NELL2: variants seen among roughly 807,000 people sequenced by gnomAD.
NELL2 encodes neural EGFL like 2.
A neutral mutation model predicts 109.6 loss-of-function variants in NELL2; 41 were observed. The ratio of observed to expected loss-of-function variants is 0.37; its 90% CI spans 0.29 to 0.49. The LOEUF (loss-of-function observed/expected upper bound fraction) is 0.49, where lower values mean the gene tolerates loss of function less well. Among genes scored for constraint, NELL2 ranks in the 20% least tolerant of loss-of-function variants. The pLI, the probability that NELL2 is intolerant of heterozygous loss-of-function variation, is 0.98. For synonymous variants in NELL2, 355 were observed against 344.7 expected, an observed-to-expected ratio of 1.03 and a Z score of -0.33; for missense variants, 900 against 1,008.3, an observed-to-expected ratio of 0.89 and a Z score of 1.45.
At chr12:44,520,662 A>G (rs73096328) in intron 18 of NELL2, among the ~76,000 whole-genome samples, 6,066 of 152,276 alleles carry the variant, frequency 0.04, 152 homozygotes, top group Admixed American at 0.06. Flanking sequence ...TTTACAAGAA[A>G]ATAAACTAAA....
rs996687993 is a variant in NELL2 at position 44,876,113 on chromosome 12, CGGCCCGGAGGG to C, written c.-255_-245del. 1.7e-4 allele frequency: 228 copies of C among 1,320,872 alleles called. 2 individuals are homozygous for C. Among genetic ancestry groups the C allele is most frequent in the African/African-American group, 4.9e-4 (33 of 67,446 alleles). The allele number at this position is 1,320,872 out of a possible 1,614,324, so 81.8% of individuals were successfully genotyped here. A position where few individuals can be genotyped will look rare whatever the true frequency, so the allele number is the denominator to read the frequency against. ...CACACGCAGGGCCGAGGCGGCAGCG[CGGCCCGGAGGG>C]GGCCCGGAGGGAGGGGTCGGACTCG... On this transcript the variant is annotated 5_prime_UTR_variant, in exon 1 of 20. Coordinates refer to ENST00000429094, the MANE Select transcript of NELL2 (RefSeq NM_001145108.2).
chr12:44,876,383 C>A (rs192084125), upstream of NELL2: 1 of 1,232,934 alleles, frequency 8.1e-7, no homozygotes, highest in Middle Eastern at 3.2e-4. Flanking sequence ...CCGGGGGAGG[C>A]GGGGTAAGGA....
intron 13 of NELL2, among the ~76,000 whole-genome samples, chr12:44,639,282 A>T (rs1431781869): frequency 6.6e-6 from 1 of 152,194 alleles, no homozygotes; most frequent in Non-Finnish European, 1.5e-5. Flanking sequence ...ATTGTAAATA[A>T]TGACATAAAT....
At chr12:44,920,677 G>A (rs1318427249) in intron 1 of NELL2, among the ~76,000 whole-genome samples, 1 of 152,078 alleles carries the variant, frequency 6.6e-6, no homozygotes, top group Non-Finnish European at 1.5e-5. Flanking sequence ...AATTCTTAGT[G>A]GCAGAATTTC....
intron 3 of NELL2, among the ~76,000 whole-genome samples, chr12:44,810,112 T>C (rs1391990817): frequency 6.6e-6 from 1 of 152,072 alleles, no homozygotes; most frequent in African/African-American, 2.4e-5. Flanking sequence ...GATGAAAACT[T>C]TGTGATGCCA....
intron 19 of NELL2, among the ~76,000 whole-genome samples, chr12:44,512,733 A>G (rs755834684): frequency 1.3e-5 from 2 of 152,120 alleles, no homozygotes; most frequent in African/African-American, 2.4e-5. Context: ...GATACATACT[A>G]CATGTTCTCT....
rs149201911 is a variant in NELL2, at chr12:44,672,063, T to C, written c.1319-6454A>G. Among the ~76,000 whole-genome samples, 1,112 of 152,314 alleles carry C rather than the reference T, an allele frequency of 7.3e-3. 9 individuals are homozygous for C. Among genetic ancestry groups the C allele is most frequent in the African/African-American group, 0.021 (875 of 41,570 alleles). On this transcript the variant is annotated intron_variant, in intron 12 of 19. Transcript: ENST00000429094. ...AGTGGTTCCTGGTGAGAGATGATAGTTCCTGGTACAGATAGGAAAGCAGCT... is the reference window on the plus strand; with the variant it reads ...AGTGGTTCCTGGTGAGAGATGATAGCTCCTGGTACAGATAGGAAAGCAGCT...
intron 15 of NELL2, among the ~76,000 whole-genome samples, chr12:44,576,033 G>A (rs75494549): frequency 0.035 from 5,309 of 152,128 alleles, 331 homozygotes; most frequent in African/African-American, 0.12. Flanking sequence ...TCCTCTTTCC[G>A]TTCCTCAAAT....
intron 13 of NELL2, among the ~76,000 whole-genome samples, chr12:44,648,224 T>G (rs1836214157): frequency 6.6e-6 from 1 of 152,190 alleles, no homozygotes. Flanking sequence ...CTTTGCAATG[T>G]TAAATATGTT....
At chr12:44,538,233 T>A (rs182717070) in intron 15 of NELL2, among the ~76,000 whole-genome samples, 1 of 152,334 alleles carries the variant, frequency 6.6e-6, no homozygotes, top group East Asian at 1.9e-4. Context: ...AGAATCAGCC[T>A]ATGCTTTGGA....
intron 9 of NELL2, among the ~76,000 whole-genome samples, chr12:44,752,254 A>G (rs1940685645): frequency 1.3e-5 from 2 of 152,260 alleles, no homozygotes; most frequent in Admixed American, 6.5e-5. Flanking sequence ...TTTTATGAAC[A>G]TAGCTAATAC....
chr12:44,809,980 C>T (rs921786131), intron 3 of NELL2, among the ~76,000 whole-genome samples: 5 of 152,010 alleles, frequency 3.3e-5, no homozygotes, highest in South Asian at 2.1e-4. Flanking sequence ...ATAGCTGTTT[C>T]GAGGCAGTGG....
intron 12 of NELL2, among the ~76,000 whole-genome samples, chr12:44,686,487 C>A (rs879122723): frequency 6.6e-6 from 1 of 152,168 alleles, no homozygotes; most frequent in Non-Finnish European, 1.5e-5. Context: ...GGAGGAGAGG[C>A]GCTCTGCTTT....
intron 13 of NELL2, among the ~76,000 whole-genome samples, chr12:44,623,903 G>A (rs1227010112): frequency 2.0e-5 from 3 of 151,960 alleles, no homozygotes; most frequent in African/African-American, 7.2e-5. Context: ...ACCAAACACT[G>A]CATGTTCTCA....
At chr12:44,569,009 T>C (rs1483814379) in intron 15 of NELL2, among the ~76,000 whole-genome samples, 3 of 152,100 alleles carry the variant, frequency 2.0e-5, no homozygotes. Flanking sequence ...CATTAGTTAT[T>C]TTTCCTGACC....
chr12:44,630,439 C>T (rs953077857), intron 13 of NELL2, among the ~76,000 whole-genome samples: 4 of 152,162 alleles, frequency 2.6e-5, no homozygotes, highest in African/African-American at 9.7e-5. Flanking sequence ...TTAAGAAGCT[C>T]TGAATTGAAC....
At chr12:44,579,348 A>G (rs1290799667) in intron 15 of NELL2, among the ~76,000 whole-genome samples, 1 of 152,208 alleles carries the variant, frequency 6.6e-6, no homozygotes, top group Non-Finnish European at 1.5e-5. Flanking sequence ...ATCAGTTTTG[A>G]ATCTGTTCAA....
intron 9 of NELL2, among the ~76,000 whole-genome samples, chr12:44,731,181 A>T (rs1285258299): frequency 6.6e-6 from 1 of 152,140 alleles, no homozygotes; most frequent in African/African-American, 2.4e-5. Context: ...TTAAAGAATT[A>T]ATGGTAATCT....
rs1470957853 is a variant in NELL2 at position 44,597,541 on chromosome 12, T to G, written c.1663+9628A>C. ...AGCACATTATACTTTTGGCTCATAC[T>G]TAACTTCGAATCAGTAGCCAAATAA... On this transcript the variant is annotated intron_variant, in intron 15 of 19. Transcript: ENST00000429094. Among the ~76,000 whole-genome samples the G allele has an allele frequency of 3.3e-5, 5 of 152,232 alleles. No individual in the cohort carries two copies. The South Asian group carries it at 8.3e-4, about 25-fold the overall frequency.
Sources: gnomAD v4.1 joint callset for allele counts (sites outside exome capture counted in the v4.1 genomes callset) on GRCh38, gnomAD v4.1.1 for gene constraint, MANE v1.5 for transcripts, NCBI Gene and HGNC (gene_info 2026-07-23, HGNC 2026-07-21) for gene names.